Variants in NUP98 observed in about 807,000 individuals in gnomAD.
NUP98 encodes the protein nuclear pore complex protein Nup98-Nup96.
Under a neutral mutation model 191.9 loss-of-function variants are expected in NUP98, and 26 were observed. The observed-to-expected ratio is 0.14, with a 90% CI of 0.10 to 0.19. NUP98 has a LOEUF of 0.19. Among genes scored for constraint, NUP98 ranks in the 10% least tolerant of loss-of-function variants. The pLI is 1.00. For missense variants in NUP98, 1,941 were observed against 2,178.8 expected (o/e 0.89, Z 2.17); for synonymous variants, 808 against 778.4 (o/e 1.04, Z -0.63).
intron 30 of NUP98, among the ~76,000 whole-genome samples, chr11:3,680,540 A>G (rs2077952361): frequency 6.6e-6 from 1 of 152,090 alleles, no homozygotes; most frequent in Non-Finnish European, 1.5e-5. Flanking sequence ...ATGAATCACA[A>G]ATGTTTTTTG....
intron 10 of NUP98, among the ~76,000 whole-genome samples, chr11:3,755,292 T>C (rs2080919962): frequency 7.2e-6 from 1 of 139,298 alleles, no homozygotes; most frequent in Non-Finnish European, 1.6e-5. Context: ...TCTTCTCTAC[T>C]ACCACGAAAA....
chr11:3,760,409 C>A, intron 10 of NUP98, 130 bp downstream of exon 10: 1 of 1,366,088 alleles, frequency 7.3e-7, no homozygotes, highest in Non-Finnish European at 1.0e-6. Context: ...TAAATATTTC[C>A]AATCATACGA....
In NUP98 at chr11:3,744,564, A is replaced by T; in HGVS notation, c.1353T>A (p.Pro451=). The change falls in exon 12 of 33, where the codon CCT becomes CCA. Residue 451 remains proline (P), a synonymous_variant. Transcript: ENST00000324932. ...AAGTGGCTGTCGTAGTATTAAATCC[A>T]GGGGCCCCAAAGGCTCCTGTACCAA... ...GPLGTGAFGA[P]GFNTTTATLG... The T allele has an allele frequency of 6.2e-7, 1 of 1,613,790 alleles. No homozygotes were observed. The highest frequency in any genetic ancestry group is 8.5e-7 in the Non-Finnish European group (1 of 1,179,824).
intron 22 of NUP98, 25 bp from the exon 23 acceptor site, chr11:3,702,917 G>C: frequency 1.3e-6 from 2 of 1,554,514 alleles, no homozygotes; most frequent in Middle Eastern, 1.7e-4. Context: ...GAATGAAGGG[G>C]AGAAAGACTA....
intron 11 of NUP98, among the ~76,000 whole-genome samples, chr11:3,746,796 C>G (rs1486400338): frequency 6.6e-6 from 1 of 151,502 alleles, no homozygotes; most frequent in Non-Finnish European, 1.5e-5. Flanking sequence ...CCTGTAATCC[C>G]AGCTACTCGG....
intron 7 of NUP98, among the ~76,000 whole-genome samples, chr11:3,770,043 A>AG: frequency 2.5e-5 from 1 of 40,236 alleles, no homozygotes; most frequent in East Asian, 6.0e-4. Flanking sequence ...ACTCCATCTC[A>AG]AAAAAAAAAA....
chr11:3,782,570 A>AT (rs35916882), intron 1 of NUP98, among the ~76,000 whole-genome samples: 10,145 of 117,356 alleles, frequency 0.086, 556 homozygotes, highest in Middle Eastern at 0.12. Flanking sequence ...AAAAGCTAAC[A>AT]TTTTTTTTTT....
rs1484055650 is a variant in NUP98 at position 3,675,619 on chromosome 11, C to G, written c.*540G>C. On this transcript the variant is annotated 3_prime_UTR_variant, in exon 33 of 33. Transcript: ENST00000324932. ...CTGCCCTAAGTGTGTCAGAAAGATC[C>G]CATTTTGTTTCCTAACTCAGGCCAA... 1.2e-5 allele frequency: 3 copies of G among 241,108 alleles called. No individual in the cohort carries two copies. The highest frequency in any genetic ancestry group is 2.2e-5 in the African/African-American group (1 of 45,240). The allele number at this position is 241,108 out of a possible 1,614,324, so 14.9% of individuals were successfully genotyped here.
chr11:3,687,771 G>T (rs1010910763), intron 28 of NUP98, among the ~76,000 whole-genome samples: 2 of 152,248 alleles, frequency 1.3e-5, no homozygotes, highest in African/African-American at 4.8e-5. Flanking sequence ...AATAAATTTT[G>T]TGACTTTAGG....
chr11:3,784,168 T>C (rs980131730), intron 1 of NUP98, among the ~76,000 whole-genome samples: 46 of 152,210 alleles, frequency 3.0e-4, no homozygotes, highest in African/African-American at 1.1e-3. Context: ...TATAATAGAA[T>C]TAAATATTGC....
intron 18 of NUP98, among the ~76,000 whole-genome samples, chr11:3,715,735 A>G (rs2134185733): frequency 6.6e-6 from 1 of 152,242 alleles, no homozygotes; most frequent in African/African-American, 2.4e-5. Flanking sequence ...CTCCTGCCTC[A>G]GCCTCCTGAG....
At chr11:3,767,326 C>CA (rs1471661763) in intron 8 of NUP98, among the ~76,000 whole-genome samples, 1 of 148,476 alleles carries the variant, frequency 6.7e-6, no homozygotes, top group Non-Finnish European at 1.5e-5. Flanking sequence ...TACAAGCATA[C>CA]TTTTTTTTTT....
At chr11:3,724,971 G>C in intron 15 of NUP98, 132 bp downstream of exon 15, 1 of 510,908 alleles carries the variant, frequency 2.0e-6, no homozygotes. Context: ...TGATTTCTAG[G>C]CGCTCATAAG....
At chr11:3,737,835 C>T (rs1230819233) in intron 12 of NUP98, among the ~76,000 whole-genome samples, 2 of 151,298 alleles carry the variant, frequency 1.3e-5, no homozygotes, top group Non-Finnish European at 2.9e-5. Flanking sequence ...CATCTGTATT[C>T]AGAAAGTTCC....
At chr11:3,685,566 GT>G (rs144877371) in intron 29 of NUP98, among the ~76,000 whole-genome samples, 14,108 of 152,218 alleles carry the variant, frequency 0.093, 848 homozygotes, top group Non-Finnish European at 0.14. Context: ...TAAATGACTA[GT>G]TTTTTGGCCC....
intron 30 of NUP98, among the ~76,000 whole-genome samples, chr11:3,681,304 G>A (rs934787007): frequency 3.9e-5 from 6 of 152,184 alleles, no homozygotes; most frequent in Non-Finnish European, 5.9e-5. Context: ...GCCTCCCAAA[G>A]TACTGGGATT....
intron 28 of NUP98, among the ~76,000 whole-genome samples, chr11:3,687,873 A>G (rs939805036): frequency 2.0e-5 from 3 of 151,500 alleles, no homozygotes; most frequent in African/African-American, 7.3e-5. Context: ...TATCTTGGCT[A>G]ACAAAACAAG....
intron 2 of NUP98, among the ~76,000 whole-genome samples, chr11:3,780,842 G>T (rs2081944103): frequency 6.6e-6 from 1 of 152,010 alleles, no homozygotes; most frequent in Admixed American, 6.6e-5. Flanking sequence ...CACTTTGGGA[G>T]GCCGAGGCGG....
At chr11:3,740,193 G>T (rs1336001997) in intron 12 of NUP98, among the ~76,000 whole-genome samples, 1 of 152,080 alleles carries the variant, frequency 6.6e-6, no homozygotes, top group East Asian at 1.9e-4. Context: ...AAGTAGAATT[G>T]AAAACAGGAA....
Sources: gnomAD v4.1 joint callset for allele counts (sites outside exome capture counted in the v4.1 genomes callset) on GRCh38, gnomAD v4.1.1 for gene constraint, MANE v1.5 for transcripts, NCBI Gene and HGNC (gene_info 2026-07-23, HGNC 2026-07-21) for gene names.